Variants in DIP2C observed in about 807,000 individuals in gnomAD.
The protein encoded by DIP2C is disco-interacting protein 2 homolog C.
Under a neutral mutation model 192.4 loss-of-function variants are expected in DIP2C, and 33 were observed. The ratio of observed to expected loss-of-function variants is 0.17; its 90% CI spans 0.13 to 0.23. DIP2C has a LOEUF of 0.23. Ranked by LOEUF, DIP2C falls within the 10% of genes least tolerant of loss-of-function variation. The pLI is 1.00. For missense variants in DIP2C, 1,537 were observed against 2,110.1 expected (o/e 0.73, Z 5.32); for synonymous variants, 979 against 864.1 (o/e 1.13, Z -2.33).
chr10:392,087 TGTG>T (rs559778570), intron 10 of DIP2C, among the ~76,000 whole-genome samples: 30 of 152,282 alleles, frequency 2.0e-4, no homozygotes, highest in Non-Finnish European at 4.1e-4. Flanking sequence ...GGGGACATCT[TGTG>T]GTGCTTTTCA....
At chr10:494,293 A>G (rs750298544) in intron 1 of DIP2C, among the ~76,000 whole-genome samples, 17 of 152,368 alleles carry the variant, frequency 1.1e-4, no homozygotes, top group South Asian at 8.3e-4. Context: ...GGAGGAGGAC[A>G]TCTCTGTCAA....
At chr10:311,266 A>C (rs1180937530) in intron 31 of DIP2C, among the ~76,000 whole-genome samples, 1 of 152,234 alleles carries the variant, frequency 6.6e-6, no homozygotes, top group Non-Finnish European at 1.5e-5. Flanking sequence ...ATTAAAAATA[A>C]GTAAATGGAA....
At chr10:684,259 A>G (rs1564340287) in intron 1 of DIP2C, among the ~76,000 whole-genome samples, 1 of 152,250 alleles carries the variant, frequency 6.6e-6, no homozygotes, top group South Asian at 2.1e-4. Flanking sequence ...GCACGCAACC[A>G]GTAATGATGT....
At chr10:289,011 AAC>A (rs577634802) in intron 32 of DIP2C, among the ~76,000 whole-genome samples, 6 of 152,270 alleles carry the variant, frequency 3.9e-5, no homozygotes, top group Non-Finnish European at 8.8e-5. Context: ...GAGCTTCGCT[AAC>A]AGTCCTCCCA....
At chr10:491,098 T>C (rs1034826562) in intron 1 of DIP2C, among the ~76,000 whole-genome samples, 1 of 152,212 alleles carries the variant, frequency 6.6e-6, no homozygotes, top group African/African-American at 2.4e-5. Context: ...CCTCTCGGCC[T>C]CAGGCACGCA....
intron 10 of DIP2C, among the ~76,000 whole-genome samples, chr10:396,137 C>T (rs1963968743): frequency 6.6e-6 from 1 of 152,222 alleles, no homozygotes; most frequent in Non-Finnish European, 1.5e-5. Flanking sequence ...GGAAAGATTT[C>T]TGATTTGTTC....
chr10:616,461 T>C lies in DIP2C; in HGVS notation c.85+73033A>G, dbSNP rs541553403. Among the ~76,000 whole-genome samples, 14 of 152,358 alleles carry C rather than the reference T, an allele frequency of 9.2e-5. No homozygotes were observed. In the South Asian group the frequency reaches 2.9e-3, roughly 32 times the overall value. ...GAATTTTTAAATCCATGGTCTGCAT[T>C]TCCCAAGCCTGTCTCTGCACAGCGG... On this transcript the variant is annotated intron_variant, in intron 1 of 36. Coordinates refer to ENST00000280886, the MANE Select transcript of DIP2C (RefSeq NM_014974.3).
At chr10:671,399 A>C (rs1239540756) in intron 1 of DIP2C, among the ~76,000 whole-genome samples, 1 of 141,522 alleles carries the variant, frequency 7.1e-6, no homozygotes, top group African/African-American at 2.7e-5. Context: ...GGACGGAGGA[A>C]ACGTCACAGA....
At chr10:573,820 A>G (rs1382052058) in intron 1 of DIP2C, among the ~76,000 whole-genome samples, 2 of 152,234 alleles carry the variant, frequency 1.3e-5, no homozygotes, top group South Asian at 2.1e-4. Flanking sequence ...CACGTTTTAC[A>G]CATCTCAAAA....
intron 1 of DIP2C, chr10:669,483 C>T (rs1357456912): frequency 6.6e-6 from 1 of 152,190 alleles, no homozygotes; most frequent in Non-Finnish European, 1.5e-5. Flanking sequence ...CACTGGAGAA[C>T]CTCCCTGCAT....
chr10:287,174 T>A (rs2132172357), intron 33 of DIP2C, among the ~76,000 whole-genome samples: 1 of 152,230 alleles, frequency 6.6e-6, no homozygotes. Flanking sequence ...CACAGCTTAC[T>A]GTAGCCTTAA....
At chr10:374,608 C>G (rs931259455) in intron 17 of DIP2C, among the ~76,000 whole-genome samples, 1 of 152,244 alleles carries the variant, frequency 6.6e-6, no homozygotes, top group Non-Finnish European at 1.5e-5. Flanking sequence ...CCAAGCTGCT[C>G]AGCAGTGCCC....
intron 1 of DIP2C, among the ~76,000 whole-genome samples, chr10:645,980 T>C (rs1250593424): frequency 6.6e-6 from 1 of 152,226 alleles, no homozygotes; most frequent in Admixed American, 6.5e-5. Context: ...CATTACTCTT[T>C]AAATTTAGGT....
At chr10:415,614 G>A (rs947218305) in intron 7 of DIP2C, among the ~76,000 whole-genome samples, 155 bp downstream of exon 7, 1 of 152,134 alleles carries the variant, frequency 6.6e-6, no homozygotes, top group East Asian at 1.9e-4. Context: ...AAGGCTGCCT[G>A]GGAACATCAC....
At chr10:661,378 C>T (rs910660558) in intron 1 of DIP2C, among the ~76,000 whole-genome samples, 3 of 152,190 alleles carry the variant, frequency 2.0e-5, no homozygotes, top group African/African-American at 4.8e-5. Context: ...TCTTGGTCCA[C>T]GGCTGGCTAC....
intron 1 of DIP2C, among the ~76,000 whole-genome samples, chr10:527,331 A>C (rs1847111258): frequency 6.6e-6 from 1 of 152,146 alleles, no homozygotes. Flanking sequence ...TGCTCCACAC[A>C]CCTCAGCAAA....
chr10:581,204 T>G (rs1045119142), intron 1 of DIP2C, among the ~76,000 whole-genome samples: 2 of 152,178 alleles, frequency 1.3e-5, no homozygotes, highest in African/African-American at 2.4e-5. Context: ...TACTCTAGTC[T>G]ACTTGTTTCC....
At chr10:406,185 C>T (rs1041733754) in intron 9 of DIP2C, among the ~76,000 whole-genome samples, 4 of 152,208 alleles carry the variant, frequency 2.6e-5, no homozygotes, top group Non-Finnish European at 4.4e-5. Flanking sequence ...GACTACAAAC[C>T]ACATTACAGA....
At chr10:598,621 C>CA (rs2131681953) in intron 1 of DIP2C, among the ~76,000 whole-genome samples, 1 of 152,174 alleles carries the variant, frequency 6.6e-6, no homozygotes, top group African/African-American at 2.4e-5. Flanking sequence ...GCTGCTTCCT[C>CA]AAATTCTTTC....
Sources: gnomAD v4.1 joint callset for allele counts (sites outside exome capture counted in the v4.1 genomes callset) on GRCh38, gnomAD v4.1.1 for gene constraint, MANE v1.5 for transcripts, NCBI Gene and HGNC (gene_info 2026-07-23, HGNC 2026-07-21) for gene names.